Variants in PACS1 observed in about 807,000 individuals in gnomAD.
PACS1 encodes the protein PACS-1.
Under a neutral mutation model 115.0 loss-of-function variants are expected in PACS1, and 24 were observed. The observed-to-expected ratio is 0.21, with a 90% CI of 0.15 to 0.29. PACS1 has a LOEUF of 0.29. Ranked by LOEUF, PACS1 falls within the 10% of genes least tolerant of loss-of-function variation. The pLI is 1.00. For missense variants in PACS1, 838 were observed against 1,251.2 expected (o/e 0.67, Z 4.98); for synonymous variants, 453 against 504.5 (o/e 0.90, Z 1.37).
intron 1 of PACS1, among the ~76,000 whole-genome samples, chr11:66,155,771 A>G (rs1437251174): frequency 6.6e-6 from 1 of 152,276 alleles, no homozygotes; most frequent in South Asian, 2.1e-4. Context: ...AGGCTTCTCC[A>G]TGAGTGTTTG....
intron 10 of PACS1, among the ~76,000 whole-genome samples, chr11:66,223,371 G>A (rs1477421139): frequency 8.9e-4 from 132 of 148,652 alleles, no homozygotes; most frequent in African/African-American, 2.6e-3. Flanking sequence ...TGGGATTAGA[G>A]GCTTGAGCCG....
In PACS1 at chr11:66,076,120, T is replaced by A. The variant is rs115225259; in HGVS notation, c.356+5278T>A. Reference sequence around the variant, plus strand: ...GTGTTGTAATAGAATATCATCTCTATCAGGGTAATAGTATCCATCGTCCCT... The same window carrying A: ...GTGTTGTAATAGAATATCATCTCTAACAGGGTAATAGTATCCATCGTCCCT... On this transcript the variant is annotated intron_variant, in intron 1 of 23. Coordinates refer to ENST00000320580, the MANE Select transcript of PACS1 (RefSeq NM_018026.4). Among the ~76,000 whole-genome samples, 1,463 of 152,336 alleles carry A rather than the reference T, an allele frequency of 9.6e-3. 24 individuals carry two copies. Among genetic ancestry groups the A allele is most frequent in the African/African-American group, 0.032 (1,346 of 41,570 alleles).
chr11:66,208,350 G>A (rs1479903510), intron 2 of PACS1, among the ~76,000 whole-genome samples: 1 of 152,136 alleles, frequency 6.6e-6, no homozygotes, highest in Non-Finnish European at 1.5e-5. Context: ...TGAGTGTGGG[G>A]CTCAAATCTG....
At chr11:66,115,553 G>T (rs1260527389) in intron 1 of PACS1, among the ~76,000 whole-genome samples, 1 of 152,182 alleles carries the variant, frequency 6.6e-6, no homozygotes, top group African/African-American at 2.4e-5. Context: ...TTATATTTCA[G>T]GTAGATGGAT....
At chr11:66,123,511 T>TA (rs1336652812) in intron 1 of PACS1, among the ~76,000 whole-genome samples, 5 of 148,686 alleles carry the variant, frequency 3.4e-5, no homozygotes, top group Admixed American at 6.7e-5. Context: ...ATTTTTATTT[T>TA]TTTATTTTAT....
chr11:66,216,093 C>G, intron 4 of PACS1, 26 bp from the exon 5 acceptor site: 2 of 1,612,792 alleles, frequency 1.2e-6, no homozygotes, highest in Non-Finnish European at 1.7e-6. Context: ...TAGTAACACG[C>G]CTCCACCACC....
At chr11:66,223,100 AT>A (rs1590831143) in intron 10 of PACS1, among the ~76,000 whole-genome samples, 1 of 132,846 alleles carries the variant, frequency 7.5e-6, no homozygotes, top group East Asian at 2.2e-4. Context: ...TTTATTTTTT[AT>A]TTTTATTGGA....
intron 4 of PACS1, 32 bp downstream of exon 4, chr11:66,211,291 C>T (rs1031714086): frequency 1.2e-6 from 2 of 1,610,702 alleles, no homozygotes; most frequent in Non-Finnish European, 1.7e-6. Flanking sequence ...GACTGTTGGC[C>T]TTTGAGTCAC....
chr11:66,121,976 GA>G (rs2134563154), intron 1 of PACS1, among the ~76,000 whole-genome samples: 1 of 152,354 alleles, frequency 6.6e-6, no homozygotes, highest in East Asian at 1.9e-4. Context: ...CAGTGGAGAT[GA>G]AAGAGTGTTC....
chr11:66,215,826 G>C (rs911795979), intron 4 of PACS1, among the ~76,000 whole-genome samples: 1 of 151,424 alleles, frequency 6.6e-6, no homozygotes, highest in Non-Finnish European at 1.5e-5. Flanking sequence ...CTTGAACCTG[G>C]GAGGCAGAGG....
chr11:66,237,028 C>A (rs923116589), intron 19 of PACS1, among the ~76,000 whole-genome samples: 1 of 152,200 alleles, frequency 6.6e-6, no homozygotes, highest in Non-Finnish European at 1.5e-5. Context: ...AAGTGATTCT[C>A]CTGCCTCAGC....
intron 1 of PACS1, among the ~76,000 whole-genome samples, chr11:66,092,747 C>T (rs1857690075): frequency 6.6e-6 from 1 of 152,044 alleles, no homozygotes; most frequent in African/African-American, 2.4e-5. Flanking sequence ...ATATGGCTAG[C>T]CAGTTTTCCC....
intron 1 of PACS1, among the ~76,000 whole-genome samples, chr11:66,132,496 T>C (rs1175383731): frequency 6.6e-6 from 1 of 152,186 alleles, no homozygotes; most frequent in African/African-American, 2.4e-5. Context: ...GCATATAACC[T>C]ACACACATCC....
chr11:66,221,260 G>T lies in PACS1; in HGVS notation c.1293+13G>T. 2 of 1,611,680 alleles carry T rather than the reference G, an allele frequency of 1.2e-6. No homozygotes were observed. The highest frequency in any genetic ancestry group is 1.7e-6 in the Non-Finnish European group (2 of 1,177,758). ...CACCACCAGCCCTGTGAGCGCAACC[G>T]CGACTGCGGGGCGGGGTGGGACCGT... is the stretch of plus-strand genomic sequence containing the variant. On this transcript the variant is annotated intron_variant, in intron 10 of 23. Transcript: ENST00000320580.
chr11:66,206,283 TATAG>T (rs1458939929), intron 2 of PACS1, among the ~76,000 whole-genome samples: 3 of 152,232 alleles, frequency 2.0e-5, no homozygotes, highest in Non-Finnish European at 4.4e-5. Context: ...TATACTGTTA[TATAG>T]ATAAACAAAT....
intron 1 of PACS1, among the ~76,000 whole-genome samples, chr11:66,112,036 C>T (rs1395824830): frequency 6.6e-6 from 1 of 152,222 alleles, no homozygotes; most frequent in Non-Finnish European, 1.5e-5. Flanking sequence ...TTCCCTTGCT[C>T]TCCTGTCGTT....
chr11:66,135,193 C>G (rs1245946139), intron 1 of PACS1, among the ~76,000 whole-genome samples: 1 of 151,776 alleles, frequency 6.6e-6, no homozygotes, highest in African/African-American at 2.4e-5. Flanking sequence ...GAGATAGACT[C>G]CATCTCAAAA....
chr11:66,076,639 G>A (rs908827930), intron 1 of PACS1, among the ~76,000 whole-genome samples: 1 of 151,986 alleles, frequency 6.6e-6, no homozygotes, highest in African/African-American at 2.4e-5. Context: ...GTGATCCGGC[G>A]GCCTCGGCCT....
intron 10 of PACS1, among the ~76,000 whole-genome samples, chr11:66,224,705 T>C (rs1855437386): frequency 6.6e-6 from 1 of 152,160 alleles, no homozygotes. Context: ...GGTGTGAAAC[T>C]TTGGAATCCT....
Sources: gnomAD v4.1 joint callset for allele counts (sites outside exome capture counted in the v4.1 genomes callset) on GRCh38, gnomAD v4.1.1 for gene constraint, MANE v1.5 for transcripts, NCBI Gene and HGNC (gene_info 2026-07-23, HGNC 2026-07-21) for gene names.